Variants in PAK1 observed in about 807,000 individuals in gnomAD.
The protein encoded by PAK1 is p21 (RAC1) activated kinase 1.
A neutral mutation model predicts 67.4 loss-of-function variants in PAK1; 29 were observed. The observed-to-expected ratio is 0.43, with a 90% confidence interval of 0.32 to 0.59. PAK1 has a LOEUF of 0.59. Ranked by LOEUF, PAK1 falls within the 20% of genes least tolerant of loss-of-function variation. The probability of loss-of-function intolerance (pLI) is 0.07; values close to 1 mark genes in which losing one functional copy is unlikely to be tolerated. For missense variants in PAK1, 337 were observed against 670.7 expected, an observed-to-expected ratio of 0.50 and a Z score of 5.50; for synonymous variants, 223 against 237.4, an observed-to-expected ratio of 0.94 and a Z score of 0.56.
intron 12 of PAK1, 53 bp from the exon 13 acceptor site, chr11:77,336,335 C>A: frequency 4.5e-6 from 6 of 1,347,510 alleles, no homozygotes; most frequent in African/African-American, 1.4e-5. Context: ...ACACTCACTT[C>A]AGTAAGTGTT....
chr11:77,370,112 T>C (rs1375263699), intron 5 of PAK1, among the ~76,000 whole-genome samples: 3 of 152,218 alleles, frequency 2.0e-5, no homozygotes, highest in Admixed American at 2.0e-4. Flanking sequence ...TTGTGAGTTA[T>C]AGATAGATGG....
At chr11:77,483,241 G>T in the PAK1 span, among the ~76,000 whole-genome samples, 1 of 151,788 alleles carries the variant, frequency 6.6e-6, no homozygotes, top group Non-Finnish European at 1.5e-5. Flanking sequence ...TGAAAGAGTG[G>T]AGAAAGTAGG....
At chr11:77,384,556 A>G (rs957120559) in intron 2 of PAK1, among the ~76,000 whole-genome samples, 4 of 152,240 alleles carry the variant, frequency 2.6e-5, no homozygotes, top group African/African-American at 9.6e-5. Flanking sequence ...TCCATATACT[A>G]TTATTCAGCC....
chr11:77,424,362 A>C (rs565673350), intron 1 of PAK1, among the ~76,000 whole-genome samples: 3 of 152,356 alleles, frequency 2.0e-5, no homozygotes, highest in African/African-American at 7.2e-5. Context: ...CCCCAGAAGC[A>C]AGGAAGCTTG....
In PAK1 at chr11:77,380,777, C is replaced by T. The variant is rs115861955; in HGVS notation, c.191-783G>A. Among the ~76,000 whole-genome samples, 909 of 152,264 alleles carry T rather than the reference C, an allele frequency of 6.0e-3. 10 individuals carry two copies. The highest frequency in any genetic ancestry group is 0.021 in the African/African-American group (871 of 41,536). On this transcript the variant is annotated intron_variant, in intron 2 of 14. Transcript: ENST00000356341. ...AATCACAGCTTCCCAGAGGCTAGCACACACCTGGACAAAGTAGGTGCTCAG... is the reference window on the plus strand; with the variant it reads ...AATCACAGCTTCCCAGAGGCTAGCATACACCTGGACAAAGTAGGTGCTCAG...
chr11:77,456,942 C>T (rs1180165064), intron 1 of PAK1, among the ~76,000 whole-genome samples: 7 of 152,210 alleles, frequency 4.6e-5, no homozygotes, highest in African/African-American at 7.2e-5. Flanking sequence ...AGGGTTTCTC[C>T]GTGTTAGCCA....
chr11:77,377,932 G>A (rs751155116), intron 4 of PAK1, among the ~76,000 whole-genome samples: 5 of 152,142 alleles, frequency 3.3e-5, no homozygotes, highest in African/African-American at 4.8e-5. Flanking sequence ...GGGGCCAGAC[G>A]AGAGGAAGGA....
At chr11:77,347,742 T>C (rs975051131) in intron 9 of PAK1, among the ~76,000 whole-genome samples, 1 of 152,244 alleles carries the variant, frequency 6.6e-6, no homozygotes, top group African/African-American at 2.4e-5. Flanking sequence ...GCAAATGCTT[T>C]GTGGAATACA....
intron 1 of PAK1, 63 bp from the exon 2 acceptor site, chr11:77,392,604 T>C (rs1490899150): frequency 7.4e-7 from 1 of 1,360,196 alleles, no homozygotes; most frequent in East Asian, 2.4e-5. Flanking sequence ...GAAATACATG[T>C]TAAAAAATTG....
At chr11:77,367,703 G>T (rs1450488706) in intron 5 of PAK1, among the ~76,000 whole-genome samples, 1 of 152,240 alleles carries the variant, frequency 6.6e-6, no homozygotes, top group Non-Finnish European at 1.5e-5. Flanking sequence ...CTAGGGCTGG[G>T]CGTGGTGGCT....
chr11:77,425,708 G>A (rs986031217), intron 1 of PAK1, among the ~76,000 whole-genome samples: 16 of 152,170 alleles, frequency 1.1e-4, no homozygotes, highest in Non-Finnish European at 1.2e-4. Flanking sequence ...GTAAATGCTC[G>A]ACAATTATTT....
At chr11:77,525,115 T>A in the PAK1 span, among the ~76,000 whole-genome samples, 1 of 150,134 alleles carries the variant, frequency 6.7e-6, no homozygotes, top group Non-Finnish European at 1.5e-5. Context: ...GAGGTCGAGG[T>A]GGGCAGGTTA....
At chr11:77,463,254 T>C (rs1957443086) in intron 1 of PAK1, among the ~76,000 whole-genome samples, 1 of 152,048 alleles carries the variant, frequency 6.6e-6, no homozygotes, top group South Asian at 2.1e-4. Context: ...GGTTAATGAA[T>C]GGATCAAGGG....
chr11:77,337,287 G>T, intron 12 of PAK1, 37 bp downstream of exon 12: 2 of 1,072,944 alleles, frequency 1.9e-6, no homozygotes, highest in African/African-American at 1.6e-5. Context: ...GGCCCCACAG[G>T]CAGAGAAGTA....
At chr11:77,470,701 A>G (rs1469059789) in intron 1 of PAK1, among the ~76,000 whole-genome samples, 1 of 152,194 alleles carries the variant, frequency 6.6e-6, no homozygotes, top group Non-Finnish European at 1.5e-5. Flanking sequence ...AGAAAGACAA[A>G]AACCACAGGA....
At chr11:77,483,956 A>C in the PAK1 span, among the ~76,000 whole-genome samples, 2 of 152,182 alleles carry the variant, frequency 1.3e-5, no homozygotes, top group African/African-American at 4.8e-5. Flanking sequence ...TTCTGGCTGA[A>C]TGGACCAGGG....
At chr11:77,462,434 A>G (rs1957395305) in intron 1 of PAK1, among the ~76,000 whole-genome samples, 1 of 152,178 alleles carries the variant, frequency 6.6e-6, no homozygotes, top group Admixed American at 6.5e-5. Flanking sequence ...CATTTAGCAC[A>G]GTAAGGTTTC....
chr11:77,452,732 G>C (rs1956912617), intron 1 of PAK1, among the ~76,000 whole-genome samples: 1 of 152,146 alleles, frequency 6.6e-6, no homozygotes, highest in Non-Finnish European at 1.5e-5. Context: ...AAACACCCTA[G>C]ATATAAAGAA....
intron 1 of PAK1, among the ~76,000 whole-genome samples, chr11:77,438,592 A>G (rs1956228561): frequency 6.6e-6 from 1 of 152,210 alleles, no homozygotes; most frequent in Non-Finnish European, 1.5e-5. Flanking sequence ...GTTGCTCCCA[A>G]TAGAAATCTC....
Sources: gnomAD v4.1 joint callset for allele counts (sites outside exome capture counted in the v4.1 genomes callset) on GRCh38, gnomAD v4.1.1 for gene constraint, MANE v1.5 for transcripts, NCBI Gene and HGNC (gene_info 2026-07-23, HGNC 2026-07-21) for gene names.